The following KIF27 variants were observed in gnomAD, a reference collection of about 807,000 sequenced individuals.
KIF27 encodes kinesin-like protein KIF27.
Under a neutral mutation model 141.8 loss-of-function variants are expected in KIF27, and 84 were observed. The observed-to-expected ratio is 0.59, with a 90% confidence interval of 0.50 to 0.71. The LOEUF (loss-of-function observed/expected upper bound fraction) is 0.71, where lower values mean the gene tolerates loss of function less well. KIF27 is among the 30% of genes least tolerant of loss of function. The probability of loss-of-function intolerance (pLI) is 0.00; values close to 1 mark genes in which losing one functional copy is unlikely to be tolerated. For synonymous variants in KIF27, 471 were observed against 569.5 expected (o/e 0.83, Z 2.46); for missense variants, 1,306 against 1,628.4 (o/e 0.80, Z 3.41).
At chr9:83,862,850 T>C (rs1373218197) in intron 13 of KIF27, among the ~76,000 whole-genome samples, 3 of 152,158 alleles carry the variant, frequency 2.0e-5, no homozygotes, top group Admixed American at 6.5e-5. Flanking sequence ...TTTTATTTCA[T>C]TGAGCAGTGG....
At chr9:83,888,915 T>C (rs925826731) in intron 7 of KIF27, among the ~76,000 whole-genome samples, 169 bp downstream of exon 7, 1 of 152,064 alleles carries the variant, frequency 6.6e-6, no homozygotes, top group African/African-American at 2.4e-5. Flanking sequence ...TGATGACTTG[T>C]GTTCAAATAC....
At chr9:83,909,658 T>A (rs1234793300) in intron 2 of KIF27, among the ~76,000 whole-genome samples, 1 of 149,444 alleles carries the variant, frequency 6.7e-6, no homozygotes, top group African/African-American at 2.5e-5. Flanking sequence ...ATTTGAAAAG[T>A]CCCAGGAATG....
At chr9:83,866,790 C>T (rs955638637) in intron 13 of KIF27, among the ~76,000 whole-genome samples, 6 of 151,908 alleles carry the variant, frequency 3.9e-5, no homozygotes, top group African/African-American at 1.5e-4. Context: ...ACAGGAGAAT[C>T]GCTTGAACCC....
chr9:83,884,009 G>C lies in KIF27; in HGVS notation c.2249C>G (p.Ala750Gly). 3.1e-6 allele frequency: 5 copies of C among 1,601,660 alleles called. No homozygotes were observed. The highest frequency in any genetic ancestry group is 1.1e-5 in the South Asian group (1 of 89,554). ...AGAATACTGCTTGCTTACAGACTTG[G>C]CATCATTACCTTAACCGTAATAATA... is the stretch of plus-strand genomic sequence containing the variant. ...IKELIKTGND[A>G]KSVSKQYSLK... Residue 750 changes from alanine (A) to glycine (G), a missense_variant, in exon 10 of 18, where the codon GCC becomes GGC. Transcript: ENST00000297814.
chr9:83,905,416 C>A (rs1271596820), intron 3 of KIF27, among the ~76,000 whole-genome samples: 2 of 152,156 alleles, frequency 1.3e-5, no homozygotes, highest in Non-Finnish European at 2.9e-5. Flanking sequence ...CCGCACCCGG[C>A]CTATATCCAA....
At chr9:83,857,966 GTTTTTT>G (rs373203891) in intron 14 of KIF27, among the ~76,000 whole-genome samples, 2 of 123,352 alleles carry the variant, frequency 1.6e-5, no homozygotes, top group Admixed American at 1.7e-4. Flanking sequence ...AATACTTTGG[GTTTTTT>G]TTTTTTTTTT....
At chr9:83,848,477 T>C (rs1948111285) in intron 16 of KIF27, among the ~76,000 whole-genome samples, 1 of 143,726 alleles carries the variant, frequency 7.0e-6, no homozygotes, top group African/African-American at 2.5e-5. Context: ...TATGTATATA[T>C]ACATATAGAT....
intron 5 of KIF27, among the ~76,000 whole-genome samples, chr9:83,894,211 G>A (rs564809024): frequency 1.3e-5 from 2 of 152,260 alleles, no homozygotes; most frequent in African/African-American, 4.8e-5. Flanking sequence ...ACCTTTCCAG[G>A]TATAGGGGGA....
rs746194165 is a variant in KIF27, at chr9:83,859,201, G to A, written c.3105C>T (p.His1035=). Residue 1035 remains histidine (H), a synonymous_variant, in exon 14 of 18, where the codon CAC becomes CAT. Transcript: ENST00000297814. ...CATTTTTAAGTTTTTCATCCACATT[G>A]TGTCTGCGTTTCTGGAGCTGATCCT... ...KEKDQLQKRR[H]NVDEKLKNGR... 1.2e-6 allele frequency: 2 copies of A among 1,613,942 alleles called. No homozygotes were observed. The highest frequency in any genetic ancestry group is 1.3e-5 in the African/African-American group (1 of 75,034).
intron 12 of KIF27, among the ~76,000 whole-genome samples, chr9:83,869,524 G>A (rs930907304): frequency 1.3e-5 from 2 of 151,998 alleles, no homozygotes; most frequent in Admixed American, 6.6e-5. Context: ...TCATGAAATC[G>A]AAACCATCCT....
At chr9:83,850,321 G>C in intron 15 of KIF27, 24 bp from the exon 16 acceptor site, 2 of 1,462,086 alleles carry the variant, frequency 1.4e-6, no homozygotes, top group South Asian at 1.2e-5. Flanking sequence ...ATTTTGACCT[G>C]TTAAGTGTGT....
chr9:83,918,332 G>A (rs1239039013), intron 1 of KIF27, among the ~76,000 whole-genome samples: 1 of 139,380 alleles, frequency 7.2e-6, no homozygotes, highest in Non-Finnish European at 1.5e-5. Flanking sequence ...ATGGGGGGGG[G>A]GCAGGACAGG....
At chr9:83,855,521 A>T (rs1949099588) in intron 14 of KIF27, among the ~76,000 whole-genome samples, 1 of 152,258 alleles carries the variant, frequency 6.6e-6, no homozygotes, top group South Asian at 2.1e-4. Flanking sequence ...AATGAATAAG[A>T]GGAGCCACAA....
chr9:83,912,064 T>C (rs1446111815), intron 2 of KIF27, among the ~76,000 whole-genome samples: 1 of 150,956 alleles, frequency 6.6e-6, no homozygotes, highest in African/African-American at 2.5e-5. Context: ...TTATATGTAC[T>C]TTATTACAAT....
At chr9:83,916,942 C>T (rs934247779) in intron 1 of KIF27, among the ~76,000 whole-genome samples, 1 of 152,072 alleles carries the variant, frequency 6.6e-6, no homozygotes, top group Non-Finnish European at 1.5e-5. Flanking sequence ...GGATTACAGG[C>T]GTGAGCCACC....
intron 5 of KIF27, among the ~76,000 whole-genome samples, chr9:83,897,836 C>T (rs1421056656): frequency 6.6e-6 from 1 of 151,954 alleles, no homozygotes; most frequent in Non-Finnish European, 1.5e-5. Flanking sequence ...TAGCCAAAAA[C>T]ATATGAAAAA....
chr9:83,880,165 A>T (rs1182738987), intron 11 of KIF27, 132 bp downstream of exon 11: 2 of 1,349,554 alleles, frequency 1.5e-6, no homozygotes, highest in African/African-American at 2.9e-5. Flanking sequence ...TTTAAAGTGA[A>T]TAAGGACAGC....
chr9:83,872,089 T>C (rs62561956), intron 11 of KIF27, among the ~76,000 whole-genome samples: 12 of 150,762 alleles, frequency 8.0e-5, no homozygotes, highest in African/African-American at 1.7e-4. Flanking sequence ...TTTGGGAGGC[T>C]GAGGCAGGCT....
chr9:83,857,411 G>A (rs1949354411), intron 14 of KIF27, among the ~76,000 whole-genome samples: 1 of 152,082 alleles, frequency 6.6e-6, no homozygotes, highest in South Asian at 2.1e-4. Context: ...GGTACACTAA[G>A]AAGAACCAAC....
Sources: allele counts gnomAD v4.1 joint callset (sites outside exome capture counted in the v4.1 genomes callset), GRCh38; gene constraint gnomAD v4.1.1; transcripts MANE v1.5; gene names NCBI Gene and HGNC (gene_info 2026-07-23, HGNC 2026-07-21).